Variants in TENM3 observed in about 807,000 individuals in gnomAD.
The protein encoded by TENM3 is teneurin transmembrane protein 3.
In TENM3, 63 loss-of-function variants were observed where a neutral mutation model predicts 255.1. That is an observed-to-expected ratio of 0.25 (90% CI 0.20 to 0.30). The LOEUF (loss-of-function observed/expected upper bound fraction) is 0.30, where lower values mean the gene tolerates loss of function less well. Ranked by LOEUF, TENM3 falls within the 10% of genes least tolerant of loss-of-function variation. The pLI is 1.00. For missense variants in TENM3, 2,929 were observed against 3,461.1 expected (o/e 0.85, Z 3.86); for synonymous variants, 1,306 against 1,322.3 (o/e 0.99, Z 0.27).
chr4:182,625,116 T>C (rs560674203), intron 4 of TENM3, among the ~76,000 whole-genome samples: 1 of 152,284 alleles, frequency 6.6e-6, no homozygotes, highest in East Asian at 1.9e-4. Flanking sequence ...CAGTTATCAT[T>C]ATTGTTGTTA....
chr4:181,498,414 C>T, the TENM3 span, among the ~76,000 whole-genome samples: 1 of 152,080 alleles, frequency 6.6e-6, no homozygotes, highest in Non-Finnish European at 1.5e-5. Flanking sequence ...CCACTCAGTT[C>T]TAAACATCCT....
chr4:182,326,504 T>C (rs150703450), intron 2 of TENM3, among the ~76,000 whole-genome samples: 2 of 139,730 alleles, frequency 1.4e-5, no homozygotes, highest in East Asian at 2.2e-4. Context: ...CTTTGATTTA[T>C]TGCAGTCAAT....
chr4:181,834,395 A>G, the TENM3 span, among the ~76,000 whole-genome samples: 1 of 152,224 alleles, frequency 6.6e-6, no homozygotes, highest in African/African-American at 2.4e-5. Context: ...GTCACAAACC[A>G]TTTTAAAATA....
chr4:182,518,625 A>T (rs74714116), intron 3 of TENM3, among the ~76,000 whole-genome samples: 1,675 of 152,292 alleles, frequency 0.011, 31 homozygotes, highest in African/African-American at 0.038. Flanking sequence ...AGTTCTGCCA[A>T]CGACCTGGAT....
At chr4:182,788,992 A>G in intron 24 of TENM3, 101 bp from the exon 25 acceptor site, 3 of 1,086,642 alleles carry the variant, frequency 2.8e-6, no homozygotes, top group Non-Finnish European at 3.9e-6. Context: ...TAATTTACTG[A>G]CAAAGAGAAT....
chr4:182,438,882 G>A (rs535600154), intron 3 of TENM3, among the ~76,000 whole-genome samples: 5 of 152,218 alleles, frequency 3.3e-5, no homozygotes, highest in African/African-American at 1.2e-4. Context: ...ATCTTGCAAA[G>A]GCCTTTGGCC....
At chr4:181,889,836 T>C in the TENM3 span, among the ~76,000 whole-genome samples, 5 of 152,208 alleles carry the variant, frequency 3.3e-5, no homozygotes, top group African/African-American at 4.8e-5. Flanking sequence ...ATAATTTGCT[T>C]TTATTTTTCT....
At position 182,628,791 on chromosome 4, in the gene TENM3, A is replaced by G; in HGVS notation, c.890A>G (p.Lys297Arg). ...PRNTLSRSAF[K>R]FKKSSKYCSW... ...AACACCCTATCAAGAAGTGCTTTTA[A>G]ATTCAAGAAGTCTTCAAAGTACTGT... Residue 297 changes from lysine (K) to arginine (R), a missense_variant, in exon 5 of 28, where the codon AAA (lysine) becomes AGA (arginine). Lys to Arg is a conservative substitution (Grantham distance 26). Around this residue, in one of 6 missense-constraint regions of TENM3, gnomAD observed 1,608 missense variants for 1,884.4 expected, o/e 0.85. Coordinates refer to ENST00000511685, the MANE Select transcript of TENM3 (RefSeq NM_001080477.4). 6.2e-7 allele frequency: 1 copy of G among 1,611,002 alleles called. No homozygotes were observed. The highest frequency in any genetic ancestry group is 1.7e-4 in the Middle Eastern group (1 of 6,060).
intron 3 of TENM3, among the ~76,000 whole-genome samples, chr4:182,391,869 CA>C (rs144417819): frequency 4.1e-4 from 58 of 143,206 alleles, no homozygotes; most frequent in South Asian, 1.1e-3. Flanking sequence ...ACAAAATGGG[CA>C]AAAAAAAAAC....
the TENM3 span, among the ~76,000 whole-genome samples, chr4:181,632,717 T>A: frequency 6.6e-6 from 1 of 152,162 alleles, no homozygotes; most frequent in Non-Finnish European, 1.5e-5. Flanking sequence ...TATAACATCC[T>A]TGGGTTGTTT....
chr4:182,615,991 G>T (rs756254426), intron 4 of TENM3, among the ~76,000 whole-genome samples: 5 of 152,166 alleles, frequency 3.3e-5, no homozygotes, highest in African/African-American at 1.2e-4. Flanking sequence ...TCAGAGTGTG[G>T]TTCCTGGAGC....
intron 1 of TENM3, among the ~76,000 whole-genome samples, chr4:182,291,874 T>A (rs1012096217): frequency 2.0e-5 from 3 of 152,158 alleles, no homozygotes; most frequent in Non-Finnish European, 4.4e-5. Context: ...CTCAGCTGTG[T>A]GTGTAGGGCT....
At chr4:181,643,052 G>T in the TENM3 span, among the ~76,000 whole-genome samples, 3 of 152,134 alleles carry the variant, frequency 2.0e-5, no homozygotes, top group Non-Finnish European at 2.9e-5. Flanking sequence ...AAAGTTAATG[G>T]TAGCTTGATG....
At chr4:181,992,899 A>G in the TENM3 span, among the ~76,000 whole-genome samples, 1 of 152,196 alleles carries the variant, frequency 6.6e-6, no homozygotes, top group Non-Finnish European at 1.5e-5. Context: ...ATATAGTTTA[A>G]GTGGCTCTAC....
At chr4:182,628,008 C>T (rs147379884) in intron 4 of TENM3, among the ~76,000 whole-genome samples, 1 of 152,078 alleles carries the variant, frequency 6.6e-6, no homozygotes, top group Non-Finnish European at 1.5e-5. Flanking sequence ...GTCCCTACCC[C>T]CAGCAGGTTC....
intron 5 of TENM3, among the ~76,000 whole-genome samples, chr4:182,646,402 A>G (rs1752744747): frequency 6.6e-6 from 1 of 152,188 alleles, no homozygotes; most frequent in East Asian, 1.9e-4. Flanking sequence ...TACTCTTGAG[A>G]TGTAAACAGG....
intron 5 of TENM3, among the ~76,000 whole-genome samples, chr4:182,644,130 C>G (rs1004471628): frequency 4.6e-5 from 7 of 152,142 alleles, no homozygotes; most frequent in African/African-American, 1.7e-4. Flanking sequence ...GCTGGGTGCT[C>G]GGGTCTGTGT....
At chr4:182,169,913 A>G (rs1751987517) in intron 1 of TENM3, among the ~76,000 whole-genome samples, 1 of 151,972 alleles carries the variant, frequency 6.6e-6, no homozygotes, top group Non-Finnish European at 1.5e-5. Flanking sequence ...TCTGGTAGAA[A>G]GTAAACATTT....
chr4:182,512,810 T>C (rs879713425), intron 3 of TENM3, among the ~76,000 whole-genome samples: 1 of 152,112 alleles, frequency 6.6e-6, no homozygotes, highest in African/African-American at 2.4e-5. Flanking sequence ...CTAACCTCTT[T>C]AGGGTGGCAG....
Sources: gnomAD v4.1 joint callset for allele counts (sites outside exome capture counted in the v4.1 genomes callset) on GRCh38, gnomAD v4.1.1 for gene constraint, gnomAD v4.1.1 regional missense constraint, MANE v1.5 for transcripts, NCBI Gene and HGNC (gene_info 2026-07-23, HGNC 2026-07-21) for gene names.